The following HSD17B12 variants were observed in gnomAD, a reference collection of about 807,000 sequenced individuals.
HSD17B12 encodes hydroxysteroid 17-beta dehydrogenase 12, also known as very-long-chain 3-oxoacyl-CoA reductase.
HSD17B12 carries 32 observed loss-of-function variants against 39.3 expected under a neutral mutation model. The observed-to-expected ratio is 0.81, with a 90% CI of 0.61 to 1.09. HSD17B12 has a LOEUF of 1.09. HSD17B12 is among the 50% of genes least tolerant of loss of function. HSD17B12 has a pLI of 0.00. For synonymous variants in HSD17B12, 150 were observed against 146.7 expected (o/e 1.02, Z -0.16); for missense variants, 342 against 382.9 (o/e 0.89, Z 0.89).
chr11:43,686,757 G>A (rs1286492247), intron 1 of HSD17B12, among the ~76,000 whole-genome samples: 2 of 152,098 alleles, frequency 1.3e-5, no homozygotes, highest in Non-Finnish European at 2.9e-5. Flanking sequence ...CTTATTCTCT[G>A]TAAAACAGAT....
intron 4 of HSD17B12, among the ~76,000 whole-genome samples, chr11:43,811,209 G>T (rs369428024): frequency 2.6e-5 from 4 of 152,024 alleles, no homozygotes; most frequent in Non-Finnish European, 5.9e-5. Flanking sequence ...CAAAAGATTC[G>T]CACTATTCTG....
At chr11:43,760,994 T>G (rs895996420) in intron 3 of HSD17B12, among the ~76,000 whole-genome samples, 6 of 152,054 alleles carry the variant, frequency 3.9e-5, no homozygotes, top group Non-Finnish European at 8.8e-5. Flanking sequence ...TGTAGAGATA[T>G]TCTACAATTT....
At chr11:43,769,179 A>G (rs967858961) in intron 3 of HSD17B12, among the ~76,000 whole-genome samples, 2 of 152,182 alleles carry the variant, frequency 1.3e-5, no homozygotes, top group African/African-American at 4.8e-5. Context: ...ACCTCAAGTG[A>G]TCCGCCTGCC....
At chr11:43,844,032 T>C (rs1033724148) in intron 9 of HSD17B12, among the ~76,000 whole-genome samples, 1 of 152,210 alleles carries the variant, frequency 6.6e-6, no homozygotes, top group African/African-American at 2.4e-5. Context: ...TTTGAGCTTC[T>C]TCTATTGCTC....
the HSD17B12 span, among the ~76,000 whole-genome samples, chr11:43,598,843 A>T: frequency 6.6e-6 from 1 of 152,026 alleles, no homozygotes. Flanking sequence ...CCATATATGT[A>T]CCTGTGTGGG....
the HSD17B12 span, among the ~76,000 whole-genome samples, chr11:43,651,494 A>T: frequency 6.6e-6 from 1 of 152,216 alleles, no homozygotes; most frequent in African/African-American, 2.4e-5. Flanking sequence ...TATGGCCATT[A>T]TAAAGTACAG....
At chr11:43,686,347 G>A (rs979037023) in intron 1 of HSD17B12, among the ~76,000 whole-genome samples, 3 of 152,228 alleles carry the variant, frequency 2.0e-5, no homozygotes, top group South Asian at 2.1e-4. Flanking sequence ...CCGAAAGGGA[G>A]TACGTGTGCC....
At chr11:43,832,049 C>T (rs1179379995) in intron 7 of HSD17B12, among the ~76,000 whole-genome samples, 1 of 152,176 alleles carries the variant, frequency 6.6e-6, no homozygotes, top group Non-Finnish European at 1.5e-5. Context: ...CTTGTAATCC[C>T]ATTTTATATA....
chr11:43,583,220 A>G, the HSD17B12 span, among the ~76,000 whole-genome samples: 2 of 152,356 alleles, frequency 1.3e-5, no homozygotes. Context: ...CAGGCGGCTC[A>G]GGGTTATTGC....
intron 1 of HSD17B12, among the ~76,000 whole-genome samples, chr11:43,737,030 G>T (rs1950322900): frequency 6.6e-6 from 1 of 152,196 alleles, no homozygotes; most frequent in Non-Finnish European, 1.5e-5. Context: ...AGCCCTCAGA[G>T]GAAAGGCAGC....
At chr11:43,617,302 T>C in the HSD17B12 span, among the ~76,000 whole-genome samples, 1 of 152,066 alleles carries the variant, frequency 6.6e-6, no homozygotes, top group East Asian at 1.9e-4. Flanking sequence ...TCTTTTGGAG[T>C]TTGAAAACAT....
the HSD17B12 span, among the ~76,000 whole-genome samples, chr11:43,633,591 T>A: frequency 6.6e-6 from 1 of 151,996 alleles, no homozygotes; most frequent in Non-Finnish European, 1.5e-5. Flanking sequence ...ATAGCACACA[T>A]TTTAAAGATG....
the HSD17B12 span, among the ~76,000 whole-genome samples, chr11:43,606,459 A>T: frequency 6.6e-6 from 1 of 152,228 alleles, no homozygotes; most frequent in Non-Finnish European, 1.5e-5. Flanking sequence ...TTTATCAATA[A>T]ACAATCATCC....
chr11:43,709,414 C>T (rs1054842172), intron 1 of HSD17B12, among the ~76,000 whole-genome samples: 1 of 152,268 alleles, frequency 6.6e-6, no homozygotes, highest in Non-Finnish European at 1.5e-5. Context: ...GCGTGAGCCA[C>T]TGCACCTGGC....
chr11:43,576,052 C>T, the HSD17B12 span, among the ~76,000 whole-genome samples: 2 of 151,992 alleles, frequency 1.3e-5, no homozygotes, highest in Non-Finnish European at 2.9e-5. Context: ...GGGGCTATGC[C>T]CCCCCACCCC....
At chr11:43,741,906 T>G (rs1333541561) in intron 1 of HSD17B12, among the ~76,000 whole-genome samples, 1 of 149,630 alleles carries the variant, frequency 6.7e-6, no homozygotes, top group Non-Finnish European at 1.5e-5. Flanking sequence ...GCTAATTTTT[T>G]TGTGTTTTTA....
At chr11:43,598,057 C>G in the HSD17B12 span, among the ~76,000 whole-genome samples, 18,220 of 152,128 alleles carry the variant, frequency 0.12, 1,403 homozygotes, top group Middle Eastern at 0.25. Context: ...TCAGTTCCCT[C>G]TAGAACTCTG....
intron 1 of HSD17B12, among the ~76,000 whole-genome samples, chr11:43,701,509 G>T (rs764126363): frequency 6.6e-6 from 1 of 152,098 alleles, no homozygotes; most frequent in Non-Finnish European, 1.5e-5. Flanking sequence ...TTTGATTTTT[G>T]TATATGGCAA....
the HSD17B12 span, among the ~76,000 whole-genome samples, chr11:43,658,629 C>A: frequency 6.6e-6 from 1 of 152,202 alleles, no homozygotes; most frequent in East Asian, 1.9e-4. Context: ...CCCTCAGCTG[C>A]AGGTCTGTTG....
Sources: gnomAD v4.1 joint callset for allele counts (sites outside exome capture counted in the v4.1 genomes callset) on GRCh38, gnomAD v4.1.1 for gene constraint, MANE v1.5 for transcripts, NCBI Gene and HGNC (gene_info 2026-07-23, HGNC 2026-07-21) for gene names.